WFS1: variants seen among roughly 807,000 people sequenced by gnomAD.
WFS1 encodes the protein wolframin.
Under a neutral mutation model 68.5 loss-of-function variants are expected in WFS1, and 90 were observed. The ratio of observed to expected loss-of-function variants is 1.31; its 90% CI spans 1.11 to 1.56. The LOEUF (loss-of-function observed/expected upper bound fraction) is 1.56. WFS1 is among the 40% of genes most tolerant of loss of function. The pLI is 0.00. For synonymous variants in WFS1, 860 were observed against 540.7 expected, an observed-to-expected ratio of 1.59 and a Z score of -8.19; for missense variants, 1,767 against 1,232.6, an observed-to-expected ratio of 1.43 and a Z score of -6.49.
chr4:6,301,009 A>C lies in WFS1; in HGVS notation c.1214A>C (p.Tyr405Ser). The C allele has an allele frequency of 6.2e-7, 1 of 1,613,924 alleles. No homozygotes were observed. The highest frequency in any genetic ancestry group is 8.5e-7 in the Non-Finnish European group (1 of 1,179,994). ...VNFGWNHLEP[Y>S]AHFLLSVFFV... is the part of the protein sequence containing the mutation. ...TTCGGCTGGAACCACCTGGAGCCCT[A>C]TGCCCATTTCCTGCTCTCTGTCTTC... The change falls in exon 8 of 8, where the codon TAT becomes TCT. Residue 405 changes from tyrosine (Y) to serine (S), a missense_variant. Physicochemically the swap from Tyr to Ser is moderately radical, Grantham distance 144. Coordinates refer to ENST00000226760, the MANE Select transcript of WFS1 (RefSeq NM_006005.3).
In WFS1 at chr4:6,301,124, C is replaced by A; in HGVS notation, c.1329C>A (p.Ser443Arg). ...TCACCGGCTTCTTTACCGTGACCAG[C>A]TACCTGAGCCTGAGCACCCATGCAG... is the stretch of plus-strand genomic sequence containing the variant. Reference protein sequence around the residue: ...AVITGFFTVTSYLSLSTHAEP... With the variant: ...AVITGFFTVTRYLSLSTHAEP... Residue 443 changes from serine (S) to arginine (R), a missense_variant, in exon 8 of 8, where the codon AGC becomes AGA. Ser to Arg is a moderately radical substitution (Grantham distance 110). Transcript: ENST00000226760. 6.2e-7 allele frequency: 1 copy of A among 1,613,608 alleles called. No individual in the cohort carries two copies. Among genetic ancestry groups the A allele is most frequent in the Non-Finnish European group, 8.5e-7 (1 of 1,180,032 alleles).
rs28625666 is a variant in WFS1, at chr4:6,294,017, A to T, written c.713-1024A>T. 0.15 allele frequency among the ~76,000 whole-genome samples: 23,297 copies of T among 152,146 alleles called. 2,197 individuals are homozygous for T. Among genetic ancestry groups the T allele is most frequent in the African/African-American group, 0.25 (10,418 of 41,478 alleles). Reference sequence around the variant, plus strand: ...CAAGGCTGCCTCATCTCTTTGCTGCAGCTACACCTGGGTGCTGCCCCGACT... The same window carrying T: ...CAAGGCTGCCTCATCTCTTTGCTGCTGCTACACCTGGGTGCTGCCCCGACT... On this transcript the variant is annotated intron_variant, in intron 6 of 7. Transcript: ENST00000226760.
intron 2 of WFS1, among the ~76,000 whole-genome samples, chr4:6,285,291 G>A (rs1419366248): frequency 1.3e-5 from 2 of 150,916 alleles, no homozygotes; most frequent in Non-Finnish European, 3.0e-5. Flanking sequence ...GGGGCGTCCA[G>A]CGAGAGGAGC....
rs1729996909 is a variant in WFS1, at chr4:6,276,448, C to A, written c.-5-1003C>A. ...CTCACTCTAGTCTCTTCTGATGCCC[C>A]CACCGCACTGTTTGCCTTAGTTTGC... On this transcript the variant is annotated intron_variant, in intron 1 of 7. Transcript: ENST00000226760. 2.0e-5 allele frequency among the ~76,000 whole-genome samples: 3 copies of A among 152,208 alleles called. No individual in the cohort carries two copies. In the South Asian group the frequency reaches 6.2e-4, roughly 31 times the overall value.
At chr4:6,273,624 C>CG (rs1729900548) in intron 1 of WFS1, among the ~76,000 whole-genome samples, 1 of 152,192 alleles carries the variant, frequency 6.6e-6, no homozygotes, top group Admixed American at 6.5e-5. Context: ...GCCGGTCTTC[C>CG]GAGTGGATAA....
Position 6,277,501 on chromosome 4 carries a change from C to T in WFS1, c.46C>T (p.Pro16Ser). Residue 16 changes from proline (P) to serine (S), a missense_variant, in exon 2 of 8, where the codon CCG becomes TCG. By Grantham distance (74) the Pro-to-Ser change is moderately conservative. Transcript: ENST00000226760. ...APLGPSCPQP[P>S]PAPQPQARSR... ...GCTGGGCCCCTCCTGCCCACAGCCC[C>T]CGCCAGCACCGCAGCCCCAGGCGCG... is the stretch of plus-strand genomic sequence containing the variant. The T allele has an allele frequency of 6.4e-7, 1 of 1,574,688 alleles. No homozygotes were observed. The highest frequency in any genetic ancestry group is 8.6e-7 in the Non-Finnish European group (1 of 1,160,632).
At chr4:6,274,928 G>A (rs1729950909) in intron 1 of WFS1, among the ~76,000 whole-genome samples, 1 of 152,158 alleles carries the variant, frequency 6.6e-6, no homozygotes, top group Non-Finnish European at 1.5e-5. Flanking sequence ...TCTGGTACCT[G>A]GAGCTGTTTG....
At chr4:6,289,916 T>C (rs1730416089) in intron 4 of WFS1, among the ~76,000 whole-genome samples, 1 of 152,148 alleles carries the variant, frequency 6.6e-6, no homozygotes, top group Admixed American at 6.5e-5. Context: ...CAACTCCCCA[T>C]ATTTTGGTGT....
At chr4:6,277,842 G>C (rs1473717411) in intron 2 of WFS1, among the ~76,000 whole-genome samples, 155 bp downstream of exon 2, 1 of 152,242 alleles carries the variant, frequency 6.6e-6, no homozygotes, top group Non-Finnish European at 1.5e-5. Context: ...ATCCAGTGGG[G>C]CTACCCACCT....
In WFS1 at chr4:6,270,190, C is replaced by T. The variant is rs544222144; in HGVS notation, c.-6+176C>T. ...AAGTTGGAGGGCCGGGGGTCCCGCC[C>T]GCTCTGCAACGCGCAAGGCGACCCC... On this transcript the variant is annotated intron_variant, in intron 1 of 7. Coordinates refer to ENST00000226760, the MANE Select transcript of WFS1 (RefSeq NM_006005.3). Among the ~76,000 whole-genome samples the T allele has an allele frequency of 3.7e-4, 56 of 152,176 alleles. No homozygotes were observed. In the Middle Eastern group the frequency reaches 0.014, roughly 37 times the overall value.
intron 1 of WFS1, among the ~76,000 whole-genome samples, chr4:6,270,910 C>A (rs772664572): frequency 1.3e-5 from 2 of 152,188 alleles, no homozygotes; most frequent in Non-Finnish European, 2.9e-5. Context: ...CCCAGGACCA[C>A]GAAGCTGATG....
chr4:6,301,331 C>G lies in WFS1; in HGVS notation c.1536C>G (p.Leu512=), dbSNP rs199728640. The G allele has an allele frequency of 2.5e-6, 4 of 1,611,992 alleles. No homozygotes were observed. Among genetic ancestry groups the G allele is most frequent in the African/African-American group, 1.3e-5 (1 of 75,068 alleles). Residue 512 remains leucine (L), a synonymous_variant, in exon 8 of 8, where the codon CTC becomes CTG. Transcript: ENST00000226760. The part of the protein sequence containing the change: ...SVPCLLYVYL[L]YLFFRMAQLR... ...CGTGCCTGCTCTATGTCTACCTGCTCTATCTCTTCTTCCGCATGGCACAGC... is the reference window on the plus strand; with the variant it reads ...CGTGCCTGCTCTATGTCTACCTGCTGTATCTCTTCTTCCGCATGGCACAGC...
chr4:6,292,189 G>A (rs67870815), intron 6 of WFS1, among the ~76,000 whole-genome samples, 192 bp downstream of exon 6: 5 of 152,222 alleles, frequency 3.3e-5, no homozygotes, highest in African/African-American at 9.6e-5. Context: ...GGTCCGTTTG[G>A]GGCTCAGTGT....
chr4:6,283,193 G>A lies in WFS1; in HGVS notation c.233-3900G>A, dbSNP rs1349776168. 6.6e-6 allele frequency among the ~76,000 whole-genome samples: 1 copy of A among 152,110 alleles called. No homozygotes were observed. The highest frequency in any genetic ancestry group is 2.4e-5 in the African/African-American group (1 of 41,408). ...TCCATGAATCTCTCAAATCCATAGGGCCCGTGCATGACAAATAATTAAAAA... is the reference window on the plus strand; with the variant it reads ...TCCATGAATCTCTCAAATCCATAGGACCCGTGCATGACAAATAATTAAAAA... On this transcript the variant is annotated intron_variant, in intron 2 of 7. Coordinates refer to ENST00000226760, the MANE Select transcript of WFS1 (RefSeq NM_006005.3). This position sits in a 1 kb window ranked among gnomAD's most constrained non-coding sequence, Gnocchi z 5.0.
Position 6,277,513 on chromosome 4 carries a change from C to T in WFS1, c.58C>T (p.Gln20Ter), listed in dbSNP as rs1417020694. Residue 20 changes from glutamine to a stop codon, truncating the protein, a stop_gained, in exon 2 of 8, where the codon CAG becomes TAG. Transcript: ENST00000226760. LOFTEE classifies it high-confidence loss of function. ...CTGCCCACAGCCCCCGCCAGCACCGCAGCCCCAGGCGCGTTCCCGACTCAA... is the reference window on the plus strand; with the variant it reads ...CTGCCCACAGCCCCCGCCAGCACCGTAGCCCCAGGCGCGTTCCCGACTCAA... ...PSCPQPPPAP[Q>*]PQARSRLNAT... is the part of the protein sequence containing the mutation. 1.3e-6 allele frequency: 2 copies of T among 1,582,080 alleles called. No homozygotes were observed. Among genetic ancestry groups the T allele is most frequent in the Admixed American group, 1.8e-5 (1 of 55,342 alleles).
Position 6,301,006 on chromosome 4 carries a change from C to A in WFS1, c.1211C>A (p.Pro404His). ...AACTTCGGCTGGAACCACCTGGAGC[C>A]CTATGCCCATTTCCTGCTCTCTGTC... ...EVNFGWNHLE[P>H]YAHFLLSVFF... Residue 404 changes from proline (P) to histidine (H), a missense_variant, in exon 8 of 8, where the codon CCC becomes CAC. Physicochemically the swap from Pro to His is moderately conservative, Grantham distance 77. Transcript: ENST00000226760. The A allele has an allele frequency of 6.2e-7, 1 of 1,613,996 alleles. No individual in the cohort carries two copies. The highest frequency in any genetic ancestry group is 1.1e-5 in the South Asian group (1 of 91,076).
At chr4:6,298,175 C>T (rs6823148) in intron 7 of WFS1, among the ~76,000 whole-genome samples, 1,816 of 152,308 alleles carry the variant, frequency 0.012, 38 homozygotes, top group African/African-American at 0.04. Flanking sequence ...TCCTGCTGTT[C>T]GCAAGGCCCC....
intron 3 of WFS1, 21 bp from the exon 4 acceptor site, chr4:6,288,966 T>C: frequency 1.2e-6 from 2 of 1,605,382 alleles, no homozygotes; most frequent in Non-Finnish European, 1.7e-6. Flanking sequence ...ATCTGGAGGC[T>C]GACTGGTGTC....
intron 7 of WFS1, among the ~76,000 whole-genome samples, chr4:6,298,278 A>G (rs975754838): frequency 6.6e-6 from 1 of 152,222 alleles, no homozygotes; most frequent in African/African-American, 2.4e-5. Flanking sequence ...GTCATACTAC[A>G]GGGGCTTGCC....
Sources: allele counts gnomAD v4.1 joint callset (sites outside exome capture counted in the v4.1 genomes callset), GRCh38; gene constraint gnomAD v4.1.1; non-coding constraint Gnocchi (gnomAD v3.1); transcripts MANE v1.5; gene names NCBI Gene and HGNC (gene_info 2026-07-23, HGNC 2026-07-21).